The following SPOCK1 variants were observed in gnomAD, a reference collection of about 807,000 sequenced individuals.
SPOCK1 encodes the protein testican-1.
SPOCK1 carries 23 observed loss-of-function variants against 55.3 expected under a neutral mutation model. That is an observed-to-expected ratio of 0.42 (90% CI 0.30 to 0.59). The LOEUF is 0.59. SPOCK1 is among the 20% of genes least tolerant of loss of function. SPOCK1 has a pLI of 0.22. For missense variants in SPOCK1, 499 were observed against 552.5 expected (o/e 0.90, Z 0.97); for synonymous variants, 226 against 221.0 (o/e 1.02, Z -0.20).
At chr5:137,314,834 T>C (rs1020344073) in intron 2 of SPOCK1, among the ~76,000 whole-genome samples, 1 of 152,172 alleles carries the variant, frequency 6.6e-6, no homozygotes. Context: ...AGGTGCTCCA[T>C]AAATTAGGCT....
intron 2 of SPOCK1, among the ~76,000 whole-genome samples, chr5:137,481,757 G>A (rs1323438937): frequency 6.6e-6 from 1 of 152,214 alleles, no homozygotes; most frequent in Admixed American, 6.5e-5. Flanking sequence ...TCAAAGGATG[G>A]CGTCCTGCCA....
intron 3 of SPOCK1, among the ~76,000 whole-genome samples, chr5:137,239,330 C>G (rs910911639): frequency 3.3e-5 from 5 of 152,164 alleles, no homozygotes; most frequent in African/African-American, 1.2e-4. Flanking sequence ...AGACCCTTGC[C>G]CTATGTATCT....
chr5:137,363,571 A>G (rs542695235), intron 2 of SPOCK1, among the ~76,000 whole-genome samples: 1 of 152,284 alleles, frequency 6.6e-6, no homozygotes, highest in South Asian at 2.1e-4. Flanking sequence ...AGCTTCAGCT[A>G]CCTCACCTGT....
intron 3 of SPOCK1, among the ~76,000 whole-genome samples, chr5:137,212,148 G>A (rs188863835): frequency 6.6e-6 from 1 of 152,278 alleles, no homozygotes; most frequent in East Asian, 1.9e-4. Context: ...GGGATCCAAT[G>A]GCAACTCCAG....
rs543722683 is a variant in SPOCK1, at chr5:136,978,174, A to G, written c.*480T>C. 2 of 375,480 alleles carry G rather than the reference A, an allele frequency of 5.3e-6. No individual in the cohort carries two copies. Among genetic ancestry groups the G allele is most frequent in the African/African-American group, 4.2e-5 (2 of 48,186 alleles). 23.3% of individuals were successfully genotyped at this position (375,480 alleles called of 1,614,324 possible). On this transcript the variant is annotated 3_prime_UTR_variant, in exon 11 of 11. Transcript: ENST00000394945. ...CCGGCAGTAACGGGGGCAGGGGGAA[A>G]AAGTACAGTGTGGTGTATTTTTTGT...
At chr5:137,296,508 T>C (rs1042705131) in intron 2 of SPOCK1, among the ~76,000 whole-genome samples, 2 of 152,104 alleles carry the variant, frequency 1.3e-5, no homozygotes, top group Non-Finnish European at 2.9e-5. Flanking sequence ...TAAAGGAGCA[T>C]CCAGGCTGTG....
intron 3 of SPOCK1, among the ~76,000 whole-genome samples, chr5:137,147,950 C>T (rs530507074): frequency 1.3e-5 from 2 of 152,272 alleles, no homozygotes; most frequent in East Asian, 1.9e-4. Flanking sequence ...AGTAACTTCC[C>T]AGCACCATAA....
intron 5 of SPOCK1, among the ~76,000 whole-genome samples, chr5:137,103,540 G>GA (rs1198013203): frequency 5.9e-5 from 9 of 152,220 alleles, no homozygotes; most frequent in African/African-American, 2.2e-4. Flanking sequence ...CACTGAGAAT[G>GA]ACAGCAGACT....
chr5:137,392,511 T>C (rs1159015626), intron 2 of SPOCK1, among the ~76,000 whole-genome samples: 1 of 152,222 alleles, frequency 6.6e-6, no homozygotes, highest in Non-Finnish European at 1.5e-5. Flanking sequence ...GGGTGATCTC[T>C]GGAGTTACAG....
At chr5:137,369,053 A>G (rs1281222388) in intron 2 of SPOCK1, among the ~76,000 whole-genome samples, 3 of 152,144 alleles carry the variant, frequency 2.0e-5, no homozygotes, top group Admixed American at 1.3e-4. Context: ...ATGGAAGCAG[A>G]GGTTTGGACT....
chr5:137,464,184 C>T (rs1377589096), intron 2 of SPOCK1, among the ~76,000 whole-genome samples: 1 of 152,012 alleles, frequency 6.6e-6, no homozygotes, highest in East Asian at 1.9e-4. Context: ...GCCCGTAGTC[C>T]CAGCTACTTG....
intron 6 of SPOCK1, among the ~76,000 whole-genome samples, chr5:137,053,024 G>A (rs1206798362): frequency 2.0e-5 from 3 of 152,034 alleles, no homozygotes; most frequent in Admixed American, 6.6e-5. Context: ...CTGGTACCAT[G>A]GGACAATTTT....
chr5:137,156,967 C>T (rs548521968), intron 3 of SPOCK1, among the ~76,000 whole-genome samples: 5 of 152,138 alleles, frequency 3.3e-5, no homozygotes, highest in Non-Finnish European at 4.4e-5. Flanking sequence ...GAATATCACA[C>T]AAAAATCTAT....
At chr5:137,027,236 T>C (rs900341097) in intron 6 of SPOCK1, among the ~76,000 whole-genome samples, 9 of 152,172 alleles carry the variant, frequency 5.9e-5, no homozygotes, top group African/African-American at 2.2e-4. Flanking sequence ...GAACTTGATT[T>C]TTTGTTAGGG....
chr5:136,992,904 A>G (rs1750975236), intron 6 of SPOCK1: 2 of 261,502 alleles, frequency 7.6e-6, no homozygotes, highest in Non-Finnish European at 1.4e-5. Flanking sequence ...AGACAATCAC[A>G]GATCACTTTT....
intron 3 of SPOCK1, among the ~76,000 whole-genome samples, chr5:137,251,110 AG>A (rs1315876017): frequency 6.6e-6 from 1 of 152,182 alleles, no homozygotes; most frequent in Non-Finnish European, 1.5e-5. Context: ...GCAGGGTCTG[AG>A]GTGAGGATGG....
chr5:137,185,777 C>T (rs1755057657), intron 3 of SPOCK1, among the ~76,000 whole-genome samples: 1 of 151,926 alleles, frequency 6.6e-6, no homozygotes, highest in Admixed American at 6.5e-5. Flanking sequence ...TAAGGAGGCC[C>T]CTGCAGGACC....
intron 2 of SPOCK1, among the ~76,000 whole-genome samples, chr5:137,316,846 T>C (rs1057433317): frequency 3.3e-5 from 5 of 152,174 alleles, no homozygotes; most frequent in Non-Finnish European, 7.3e-5. Context: ...AATAACACCA[T>C]TTCTGTGTTC....
intron 6 of SPOCK1, among the ~76,000 whole-genome samples, chr5:137,064,403 CCA>C (rs1429588117): frequency 6.6e-6 from 1 of 152,056 alleles, no homozygotes; most frequent in Non-Finnish European, 1.5e-5. Flanking sequence ...GTGTGTATTG[CCA>C]CAGTTTTTAC....
Sources: allele counts gnomAD v4.1 joint callset (sites outside exome capture counted in the v4.1 genomes callset), GRCh38; gene constraint gnomAD v4.1.1; transcripts MANE v1.5; gene names NCBI Gene and HGNC (gene_info 2026-07-23, HGNC 2026-07-21).